The following GIGYF2 variants were observed in gnomAD, a reference collection of about 807,000 sequenced individuals.
GIGYF2 encodes the protein GRB10 interacting GYF protein 2, also known as GRB10-interacting GYF protein 2.
In GIGYF2, 25 loss-of-function variants were observed where a neutral mutation model predicts 208.1. The observed-to-expected ratio is 0.12, with a 90% CI of 0.09 to 0.17. The LOEUF is 0.17. GIGYF2 is among the 10% of genes least tolerant of loss of function. GIGYF2 has a pLI of 1.00. For missense variants in GIGYF2, 1,302 were observed against 1,579.4 expected, an observed-to-expected ratio of 0.82 and a Z score of 2.98; for synonymous variants, 534 against 543.8, an observed-to-expected ratio of 0.98 and a Z score of 0.25.
chr2:232,721,392 G>GT (rs1181186474), intron 2 of GIGYF2, among the ~76,000 whole-genome samples: 1 of 152,176 alleles, frequency 6.6e-6, no homozygotes, highest in African/African-American at 2.4e-5. Context: ...TTCATAAGAT[G>GT]TTTTTTGGCT....
chr2:232,818,108 G>A (rs1268416983), intron 20 of GIGYF2, among the ~76,000 whole-genome samples: 1 of 152,108 alleles, frequency 6.6e-6, no homozygotes. Context: ...ATATTTCATT[G>A]TGGTTTTGAT....
chr2:232,733,901 C>A (rs1697616374), intron 2 of GIGYF2, among the ~76,000 whole-genome samples: 1 of 151,922 alleles, frequency 6.6e-6, no homozygotes, highest in Non-Finnish European at 1.5e-5. Context: ...TTTTTCCATC[C>A]GAGGTTGGTT....
intron 14 of GIGYF2, among the ~76,000 whole-genome samples, chr2:232,804,346 A>G (rs1700490657): frequency 7.2e-6 from 1 of 138,068 alleles, no homozygotes; most frequent in African/African-American, 2.7e-5. Flanking sequence ...TTCAGCATGC[A>G]TTCTGTACAT....
chr2:232,780,032 G>A (rs1383333599), intron 8 of GIGYF2, among the ~76,000 whole-genome samples: 2 of 152,144 alleles, frequency 1.3e-5, no homozygotes, highest in African/African-American at 4.8e-5. Flanking sequence ...AAGCTTCAAA[G>A]TCTGTCCCAT....
intron 2 of GIGYF2, among the ~76,000 whole-genome samples, chr2:232,725,142 T>A (rs1697138769): frequency 6.6e-6 from 1 of 152,224 alleles, no homozygotes; most frequent in South Asian, 2.1e-4. Flanking sequence ...CCCTACTAGA[T>A]TGAATTCATT....
At chr2:232,757,778 C>T (rs1010146063) in intron 6 of GIGYF2, among the ~76,000 whole-genome samples, 1 of 148,922 alleles carries the variant, frequency 6.7e-6, no homozygotes, top group South Asian at 2.3e-4. Flanking sequence ...CACCCCCCGC[C>T]CCCCGCCATT....
chr2:232,716,690 TTTTTG>T (rs1171327555), intron 2 of GIGYF2, among the ~76,000 whole-genome samples: 3 of 152,098 alleles, frequency 2.0e-5, no homozygotes, highest in Non-Finnish European at 2.9e-5. Flanking sequence ...GCCAGTGTTT[TTTTTG>T]TTTTGTTTTG....
At chr2:232,729,572 A>G in intron 2 of GIGYF2, 1 of 1,407,752 alleles carries the variant, frequency 7.1e-7, no homozygotes, top group Non-Finnish European at 9.8e-7. Context: ...ATAGTCTTCA[A>G]AAGCAGTGAT....
intron 2 of GIGYF2, chr2:232,705,430 C>T (rs555407322): frequency 6.6e-6 from 1 of 152,118 alleles, no homozygotes. Flanking sequence ...TTTGTTGAGA[C>T]AGAGTTGCAC....
chr2:232,791,234 A>T, intron 11 of GIGYF2, 24 bp from the exon 12 acceptor site: 2 of 1,614,048 alleles, frequency 1.2e-6, no homozygotes, highest in African/African-American at 1.3e-5. Flanking sequence ...TCGTAAGTTC[A>T]ACTAAGATTA....
At chr2:232,744,521 T>G (rs1407582664) in intron 3 of GIGYF2, among the ~76,000 whole-genome samples, 4 of 150,468 alleles carry the variant, frequency 2.7e-5, no homozygotes, top group South Asian at 4.2e-4. Context: ...AAAGATTGTG[T>G]TTTTTTTTCT....
At chr2:232,807,769 G>A (rs915327626) in intron 15 of GIGYF2, among the ~76,000 whole-genome samples, 1 of 151,922 alleles carries the variant, frequency 6.6e-6, no homozygotes, top group South Asian at 2.1e-4. Flanking sequence ...ATGGAGTCTC[G>A]CCATGTTGCC....
In GIGYF2 at chr2:232,858,806, A is replaced by C; in HGVS notation, c.*1946A>C. On this transcript the variant is annotated 3_prime_UTR_variant, in exon 29 of 29. Transcript: ENST00000373563. The stretch of plus-strand genomic sequence containing the variant: ...TTTGAGAATGTAGAGGTCAAGGCAG[A>C]TGTCGGTAAGTTTGACCAAATATCT... 3.3e-6 allele frequency: 1 copy of C among 300,582 alleles called. No homozygotes were observed. Among genetic ancestry groups the C allele is most frequent in the South Asian group, 3.1e-5 (1 of 32,014 alleles). 18.6% of individuals were successfully genotyped at this position (300,582 alleles called of 1,614,324 possible). A position where few individuals can be genotyped will look rare whatever the true frequency, so the allele number is the denominator to read the frequency against.
intron 13 of GIGYF2, among the ~76,000 whole-genome samples, chr2:232,795,496 A>G (rs1173514179): frequency 6.6e-6 from 1 of 152,210 alleles, no homozygotes; most frequent in Non-Finnish European, 1.5e-5. Flanking sequence ...AAAACTTGTA[A>G]AACGTTTCAT....
At chr2:232,808,249 T>C (rs915848540) in intron 15 of GIGYF2, among the ~76,000 whole-genome samples, 2 of 152,238 alleles carry the variant, frequency 1.3e-5, no homozygotes, top group Non-Finnish European at 2.9e-5. Flanking sequence ...ATTTAACTTA[T>C]ATATCAAGTT....
chr2:232,731,912 A>T (rs949532332), intron 2 of GIGYF2, among the ~76,000 whole-genome samples: 17 of 151,876 alleles, frequency 1.1e-4, no homozygotes, highest in Non-Finnish European at 2.4e-4. Context: ...TATTTAGCAA[A>T]TAAGAATGGA....
chr2:232,799,552 AAATAATAATAATAAT>A (rs55730253), intron 14 of GIGYF2, among the ~76,000 whole-genome samples: 6 of 146,822 alleles, frequency 4.1e-5, no homozygotes, highest in Non-Finnish European at 6.0e-5. Context: ...CCTGTCTTTA[AAATAATAATAATAAT>A]AATAATAATA....
intron 28 of GIGYF2, among the ~76,000 whole-genome samples, chr2:232,852,319 G>A (rs1405454988): frequency 6.6e-6 from 1 of 152,178 alleles, no homozygotes; most frequent in Non-Finnish European, 1.5e-5. Context: ...GCTGAGGCGG[G>A]TGGATCGCTT....
At chr2:232,761,264 C>A in intron 7 of GIGYF2, 132 bp from the exon 8 acceptor site, 1 of 643,606 alleles carries the variant, frequency 1.6e-6, no homozygotes, top group Non-Finnish European at 2.8e-6. Flanking sequence ...AAATATTAGG[C>A]AATAACTATG....
Sources: allele counts gnomAD v4.1 joint callset (sites outside exome capture counted in the v4.1 genomes callset), GRCh38; gene constraint gnomAD v4.1.1; transcripts MANE v1.5; gene names NCBI Gene and HGNC (gene_info 2026-07-23, HGNC 2026-07-21).